Variants in CFAP65 observed in about 807,000 individuals in gnomAD.
CFAP65 encodes the protein cilia and flagella associated protein 65.
A neutral mutation model predicts 208.0 loss-of-function variants in CFAP65; 155 were observed. The observed-to-expected ratio is 0.75, with a 90% confidence interval of 0.65 to 0.85. The LOEUF (loss-of-function observed/expected upper bound fraction) is 0.85, where lower values mean the gene tolerates loss of function less well. Among genes scored for constraint, CFAP65 ranks in the 40% least tolerant of loss-of-function variants. CFAP65 has a pLI of 0.00. For missense variants in CFAP65, 2,294 were observed against 2,451.3 expected, an observed-to-expected ratio of 0.94 and a Z score of 1.36; for synonymous variants, 970 against 986.3, an observed-to-expected ratio of 0.98 and a Z score of 0.31.
chr2:219,027,547 G>A, intron 13 of CFAP65, 103 bp downstream of exon 13: 1 of 1,612,874 alleles, frequency 6.2e-7, no homozygotes, highest in East Asian at 2.2e-5. Flanking sequence ...GCACGCAGAG[G>A]ATGGAGCCTG....
intron 11 of CFAP65, 68 bp downstream of exon 11, chr2:219,029,335 C>T: frequency 6.4e-7 from 1 of 1,551,812 alleles, no homozygotes; most frequent in Non-Finnish European, 8.7e-7. Flanking sequence ...CCCACCAAGC[C>T]TTGTCATCAT....
At position 219,038,550 on chromosome 2, in the gene CFAP65, A is replaced by G. The variant is rs374521733; in HGVS notation, c.182T>C (p.Leu61Pro). ...GGTGAGCATCATGTCCTTGGGACAC[A>G]GTCCAAAGGGAGCACTCTGAGTATG... is the stretch of plus-strand genomic sequence containing the variant. The part of the protein sequence containing the change: ...KLHTQSAPFG[L>P]CPKDMMLTQA... Residue 61 changes from leucine to proline, a missense_variant, in exon 4 of 35, where the codon CTG becomes CCG. Coordinates refer to ENST00000341552, the MANE Select transcript of CFAP65 (RefSeq NM_194302.4). The G allele has an allele frequency of 2.5e-6, 4 of 1,613,962 alleles. No homozygotes were observed. The African/African-American group carries it at 4.0e-5, about 16-fold the overall frequency.
chr2:219,004,424 C>T lies in CFAP65; in HGVS notation c.5083G>A (p.Ala1695Thr). 2 of 1,612,408 alleles carry T rather than the reference C, an allele frequency of 1.2e-6. No homozygotes were observed. The highest frequency in any genetic ancestry group is 1.7e-6 in the Non-Finnish European group (2 of 1,179,146). ...GLLEDKNFHE[A>T]VDQSLVEQVP... Reference sequence around the variant, plus strand: ...TGCTCCACCAGGCTTTGGTCCACAGCCTCATGGAAGTTCTTGTCTTCCAGC... The same window carrying T: ...TGCTCCACCAGGCTTTGGTCCACAGTCTCATGGAAGTTCTTGTCTTCCAGC... The change falls in exon 33 of 35, where the codon GCT (alanine) becomes ACT (threonine). Residue 1695 changes from alanine to threonine, a missense_variant. Ala to Thr is a moderately conservative substitution (Grantham distance 58, BLOSUM62 0). This residue lies in a region of CFAP65 where 1,427 missense variants were observed against 1,438.7 expected (regional missense o/e 0.99). Transcript: ENST00000341552. This position sits in a 1 kb window ranked among gnomAD's most constrained non-coding sequence, Gnocchi z 4.7.
Position 219,022,188 on chromosome 2 carries a change from G to A in CFAP65, c.2962C>T (p.Leu988Phe), listed in dbSNP as rs1289997871. 6.2e-7 allele frequency: 1 copy of A among 1,600,474 alleles called. No individual in the cohort carries two copies. Among genetic ancestry groups the A allele is most frequent in the Non-Finnish European group, 8.5e-7 (1 of 1,173,722 alleles). ...HYMLRLVGVG[L>F]TSSLSAKEKE... The stretch of plus-strand genomic sequence containing the variant: ...CCACTCACAGAGAGGCTGCTGGTGA[G>A]CCCAACGCCCACCAGCCGGAGCATG... The change falls in exon 17 of 35, where the codon CTC (leucine) becomes TTC (phenylalanine). Residue 988 changes from leucine (L) to phenylalanine (F), a missense_variant. Leu to Phe is a conservative substitution (Grantham distance 22, BLOSUM62 0). Around this residue, in one of 2 missense-constraint regions of CFAP65, gnomAD observed 1,427 missense variants for 1,438.7 expected, o/e 0.99. Transcript: ENST00000341552.
chr2:219,026,703 T>C (rs1268696568), intron 13 of CFAP65: 7 of 825,286 alleles, frequency 8.5e-6, no homozygotes, highest in Non-Finnish European at 1.0e-5. Context: ...CACGTCTCAA[T>C]TGGGACCAGC....
Position 219,006,123 on chromosome 2 carries a change from G to A in CFAP65, c.4820C>T (p.Pro1607Leu). ...GCCCAGGCAGAGCATGCCTGGCGAG[G>A]GTGGCTGGGGGCAGGGCCAGGACAC... ...EEVSWPCPQP[P>L]SPGMLCLGLT... The change falls in exon 31 of 35, where the codon CCC becomes CTC. Residue 1607 changes from proline (P) to leucine (L), a missense_variant. Physicochemically the swap from Pro to Leu is moderately conservative, Grantham distance 98. This residue lies in a region of CFAP65 where 1,427 missense variants were observed against 1,438.7 expected (regional missense o/e 0.99). Coordinates refer to ENST00000341552, the MANE Select transcript of CFAP65 (RefSeq NM_194302.4). 6.2e-7 allele frequency: 1 copy of A among 1,613,702 alleles called. No homozygotes were observed. The highest frequency in any genetic ancestry group is 1.1e-5 in the South Asian group (1 of 91,062).
chr2:219,023,709 G>A (rs1947424791), intron 15 of CFAP65, among the ~76,000 whole-genome samples: 2 of 152,202 alleles, frequency 1.3e-5, no homozygotes, highest in African/African-American at 4.8e-5. Context: ...TCTATTGCTG[G>A]CCTGGACCCA....
Position 219,023,994 on chromosome 2 carries a change from TC to T in CFAP65, c.2595+20del, listed in dbSNP as rs1296781969. On this transcript the variant is annotated intron_variant, in intron 15 of 34. Transcript: ENST00000341552. The stretch of plus-strand genomic sequence containing the variant: ...TATGGCCCATTCCCAAGGACCCAGG[TC>T]CCCTCCCTCTGCCTCCTACCTTGAG... The T allele has an allele frequency of 6.2e-6, 10 of 1,606,814 alleles. No individual in the cohort carries two copies. The highest frequency in any genetic ancestry group is 8.5e-6 in the Non-Finnish European group (10 of 1,174,982).
At chr2:219,022,404 T>A (rs571315532) in intron 16 of CFAP65, 75 bp from the exon 17 acceptor site, 2 of 1,509,030 alleles carry the variant, frequency 1.3e-6, no homozygotes, top group East Asian at 2.4e-5. Context: ...CGAGGCCCCA[T>A]GGCAGGGCGT....
At chr2:219,022,452 C>T (rs761014777) in intron 16 of CFAP65, 123 bp from the exon 17 acceptor site, 57 of 1,111,824 alleles carry the variant, frequency 5.1e-5, no homozygotes, top group Non-Finnish European at 6.8e-5. Flanking sequence ...CTACCCTATG[C>T]CAGGCATTGT....
At chr2:219,013,782 G>T in intron 22 of CFAP65, 86 bp downstream of exon 22, 1 of 1,323,236 alleles carries the variant, frequency 7.6e-7, no homozygotes, top group Non-Finnish European at 1.1e-6. Flanking sequence ...ATGGCCATTT[G>T]GGGTGCCCTG....
chr2:219,015,658 G>A (rs775676523), intron 21 of CFAP65: 1 of 152,136 alleles, frequency 6.6e-6, no homozygotes, highest in Non-Finnish European at 1.5e-5. Context: ...AGAAGTGTCT[G>A]TTTGGGAAAC....
rs751502438 is a variant in CFAP65, at chr2:219,032,117, C to T, written c.645+353G>A. Among the ~76,000 whole-genome samples the T allele has an allele frequency of 4.1e-4, 62 of 152,072 alleles. No individual in the cohort carries two copies. The highest frequency in any genetic ancestry group is 1.2e-3 in the Admixed American group (18 of 15,292). On this transcript the variant is annotated intron_variant, in intron 6 of 34. Transcript: ENST00000341552. This position sits in a 1 kb window ranked among gnomAD's most constrained non-coding sequence, Gnocchi z 5.5. ...GTATTTTTTAGTAGAGGTGGGGTTT[C>T]GCCATGTCGGCCAGGCTGGTCTCGA...
intron 21 of CFAP65, chr2:219,015,588 G>A (rs577989767): frequency 5.3e-5 from 8 of 152,262 alleles, no homozygotes; most frequent in Non-Finnish European, 1.0e-4. Context: ...ACATAGGTGG[G>A]TGGAGAGGGA....
At chr2:219,005,237 G>T (rs1574508782) in intron 32 of CFAP65, among the ~76,000 whole-genome samples, 197 bp downstream of exon 32, 2 of 152,008 alleles carry the variant, frequency 1.3e-5, no homozygotes, top group Admixed American at 1.3e-4. Flanking sequence ...TGTTGCCCAC[G>T]CTGGTCTCAA....
intron 1 of CFAP65, among the ~76,000 whole-genome samples, chr2:219,040,849 AG>A (rs1176882849): frequency 1.8e-4 from 27 of 152,236 alleles, no homozygotes; most frequent in African/African-American, 6.3e-4. Context: ...CTACGGGGAT[AG>A]GCAAATTTCT....
chr2:219,035,397 G>T lies in CFAP65; in HGVS notation c.542+83C>A, dbSNP rs201961403. The T allele has an allele frequency of 8.1e-4, 1,303 of 1,606,298 alleles. 8 individuals are homozygous for T. The African/African-American group carries it at 0.014, about 17-fold the overall frequency. ...ATATGGCATGTTAAAGGTTTTTTTT[G>T]TTTGTTTTGTTTTGTTTTGAAGAGA... On this transcript the variant is annotated intron_variant, in intron 5 of 34. Coordinates refer to ENST00000341552, the MANE Select transcript of CFAP65 (RefSeq NM_194302.4).
At position 219,006,388 on chromosome 2, in the gene CFAP65, T is replaced by C. The variant is rs376859009; in HGVS notation, c.4719+77A>G. ...CCTTTCTGGGAGTCTGGTCCAGGGGTTGGAGGTCTCTCTGGGAGCAAGCAA... is the reference window on the plus strand; with the variant it reads ...CCTTTCTGGGAGTCTGGTCCAGGGGCTGGAGGTCTCTCTGGGAGCAAGCAA... On this transcript the variant is annotated intron_variant, in intron 30 of 34. Coordinates refer to ENST00000341552, the MANE Select transcript of CFAP65 (RefSeq NM_194302.4). 2.0e-3 allele frequency: 3,144 copies of C among 1,565,968 alleles called. 5 individuals carry two copies. Among genetic ancestry groups the C allele is most frequent in the Non-Finnish European group, 2.4e-3 (2,713 of 1,137,252 alleles).
At chr2:219,027,311 T>G in intron 13 of CFAP65, 1 of 1,433,986 alleles carries the variant, frequency 7.0e-7, no homozygotes, top group East Asian at 2.5e-5. Context: ...GACCACTTCT[T>G]AATTCAAGGA....
Sources: allele counts gnomAD v4.1 joint callset (sites outside exome capture counted in the v4.1 genomes callset), GRCh38; gene constraint gnomAD v4.1.1; regional missense constraint gnomAD v4.1.1; non-coding constraint Gnocchi (gnomAD v3.1); transcripts MANE v1.5; gene names NCBI Gene and HGNC (gene_info 2026-07-23, HGNC 2026-07-21).